Variants in CACNA1S observed in about 807,000 individuals in gnomAD.
CACNA1S encodes the protein voltage-dependent L-type calcium channel subunit alpha-1S.
In CACNA1S, 126 loss-of-function variants were observed where a neutral mutation model predicts 207.4. The ratio of observed to expected loss-of-function variants is 0.61; its 90% CI spans 0.53 to 0.70. The LOEUF is 0.70. Among genes scored for constraint, CACNA1S ranks in the 30% least tolerant of loss-of-function variants. The pLI, the probability that CACNA1S is intolerant of heterozygous loss-of-function variation, is 0.00. For synonymous variants in CACNA1S, 960 were observed against 932.7 expected, an observed-to-expected ratio of 1.03 and a Z score of -0.53; for missense variants, 2,349 against 2,422.8, an observed-to-expected ratio of 0.97 and a Z score of 0.64.
Position 201,050,904 on chromosome 1 carries a change from C to G in CACNA1S, c.4113+80G>C, listed in dbSNP as rs867439557. 13 of 1,462,932 alleles carry G rather than the reference C, an allele frequency of 8.9e-6. No individual in the cohort carries two copies. In the African/African-American group the frequency reaches 1.7e-4, roughly 19 times the overall value. 90.6% of individuals were successfully genotyped at this position (1,462,932 alleles called of 1,614,324 possible). On this transcript the variant is annotated intron_variant, in intron 33 of 43. Coordinates refer to ENST00000362061, the MANE Select transcript of CACNA1S (RefSeq NM_000069.3). ...GAATCCCAGGAGAGGTGGAAACTGG[C>G]CAGGAAGGGGCAGGCAGGCTCCCCC...
At chr1:201,058,300 C>G (rs1393405699) in intron 28 of CACNA1S, 108 bp downstream of exon 28, 2 of 934,706 alleles carry the variant, frequency 2.1e-6, no homozygotes, top group South Asian at 1.3e-5. Flanking sequence ...TCTTTTTAAC[C>G]CCTGGGGTTC....
In CACNA1S at chr1:201,053,435, C is replaced by A. The variant is rs757653722; in HGVS notation, c.3795+24G>T. On this transcript the variant is annotated intron_variant, in intron 30 of 43. Transcript: ENST00000362061. The surrounding 1 kb of genome is among the most constrained non-coding windows in gnomAD (Gnocchi z 5.1). ...CCCTAGTGGCCTCCCCAGGTACGTGCAGTTTCCAGGGTCCCTGTTGCACCT... is the reference window on the plus strand; with the variant it reads ...CCCTAGTGGCCTCCCCAGGTACGTGAAGTTTCCAGGGTCCCTGTTGCACCT... 6.2e-7 allele frequency: 1 copy of A among 1,614,114 alleles called. No individual in the cohort carries two copies. Among genetic ancestry groups the A allele is most frequent in the Non-Finnish European group, 8.5e-7 (1 of 1,179,996 alleles).
At chr1:201,080,284 C>T (rs1465487611) in intron 10 of CACNA1S, among the ~76,000 whole-genome samples, 1 of 152,120 alleles carries the variant, frequency 6.6e-6, no homozygotes, top group Non-Finnish European at 1.5e-5. Flanking sequence ...GCTCATCCTC[C>T]CCCACTACCC....
intron 21 of CACNA1S, 38 bp from the exon 22 acceptor site, chr1:201,065,983 C>T (rs1387108803): frequency 7.1e-7 from 1 of 1,403,748 alleles, no homozygotes; most frequent in Non-Finnish European, 1.0e-6. Flanking sequence ...GGGGGTGCAC[C>T]CACAGTAACC....
At chr1:201,069,278 GCAGT>G (rs1369603726) in intron 18 of CACNA1S, 82 bp from the exon 19 acceptor site, 4 of 1,468,214 alleles carry the variant, frequency 2.7e-6, no homozygotes, top group Non-Finnish European at 3.8e-6. Flanking sequence ...CATAAAGCAG[GCAGT>G]CAGAGCCATT....
intron 2 of CACNA1S, among the ~76,000 whole-genome samples, chr1:201,103,539 T>C (rs901045457): frequency 6.6e-6 from 1 of 152,202 alleles, no homozygotes; most frequent in Non-Finnish European, 1.5e-5. Context: ...CTAAGTGCCC[T>C]GAAAGGGGAC....
chr1:201,093,202 G>A (rs12125295), intron 3 of CACNA1S, among the ~76,000 whole-genome samples: 7,081 of 152,302 alleles, frequency 0.046, 242 homozygotes, highest in Non-Finnish European at 0.073. Flanking sequence ...TTTGGAGACA[G>A]GGTCTTTAAA....
intron 37 of CACNA1S, 67 bp downstream of exon 37, chr1:201,047,458 T>C: frequency 2.8e-6 from 4 of 1,413,466 alleles, no homozygotes; most frequent in Non-Finnish European, 4.0e-6. Flanking sequence ...ATGGGGCTCC[T>C]TGGAGAAGCT....
intron 32 of CACNA1S, 48 bp downstream of exon 32, chr1:201,052,509 G>T (rs765224353): frequency 5.5e-6 from 8 of 1,444,486 alleles, no homozygotes; most frequent in African/African-American, 1.4e-5. Context: ...CAGAGCAAAG[G>T]CTGGACTGGT....
At chr1:201,100,735 A>T (rs1218699454) in intron 2 of CACNA1S, among the ~76,000 whole-genome samples, 5 of 152,176 alleles carry the variant, frequency 3.3e-5, no homozygotes, top group African/African-American at 1.2e-4. Flanking sequence ...AAGGGAGACC[A>T]GTGCTGTCTT....
intron 12 of CACNA1S, among the ~76,000 whole-genome samples, chr1:201,076,692 A>G (rs1014538038): frequency 1.3e-5 from 2 of 152,250 alleles, no homozygotes; most frequent in African/African-American, 4.8e-5. Flanking sequence ...CACCAGAAAC[A>G]AAGACTAATC....
At chr1:201,079,557 C>A (rs1208702384) in intron 10 of CACNA1S, among the ~76,000 whole-genome samples, 1 of 111,576 alleles carries the variant, frequency 9.0e-6, no homozygotes, top group Non-Finnish European at 1.8e-5. Flanking sequence ...CCACCCCTAC[C>A]CCTCCACTTT....
At chr1:201,091,556 G>T in intron 5 of CACNA1S, 84 bp downstream of exon 5, 4 of 1,487,098 alleles carry the variant, frequency 2.7e-6, no homozygotes, top group Non-Finnish European at 3.8e-6. Context: ...GCTGAGCTCC[G>T]GGCTCCTTCA....
rs1448131053 is a variant in CACNA1S at position 201,054,485 on chromosome 1, C to T, written c.3666+20G>A. 2 of 1,612,750 alleles carry T rather than the reference C, an allele frequency of 1.2e-6. No homozygotes were observed. Among genetic ancestry groups the T allele is most frequent in the African/African-American group, 2.7e-5 (2 of 74,876 alleles). The stretch of plus-strand genomic sequence containing the variant: ...GGAGCTGGTGAGCGTGCCAGGCAGG[C>T]TCGTGCAGCCTGAAATTACAACGTT... On this transcript the variant is annotated intron_variant, in intron 29 of 43. Coordinates refer to ENST00000362061, the MANE Select transcript of CACNA1S (RefSeq NM_000069.3).
At chr1:201,048,306 C>T (rs796939496) in intron 36 of CACNA1S, among the ~76,000 whole-genome samples, 38 of 152,350 alleles carry the variant, frequency 2.5e-4, no homozygotes, top group African/African-American at 8.7e-4. Flanking sequence ...GCAGGGCACC[C>T]CTGACCCCTG....
intron 25 of CACNA1S, 95 bp from the exon 26 acceptor site, chr1:201,060,911 G>C: frequency 6.8e-7 from 1 of 1,467,580 alleles, no homozygotes; most frequent in East Asian, 2.3e-5. Flanking sequence ...GTCAGGAGCA[G>C]CTGTGGCCAG....
At chr1:201,103,792 C>T (rs956350365) in intron 2 of CACNA1S, among the ~76,000 whole-genome samples, 2 of 152,298 alleles carry the variant, frequency 1.3e-5, no homozygotes, top group East Asian at 1.9e-4. Flanking sequence ...AGTTGGCGAG[C>T]GCATTCCAGA....
intron 28 of CACNA1S, among the ~76,000 whole-genome samples, chr1:201,057,226 C>G (rs1453817733): frequency 6.6e-6 from 1 of 152,204 alleles, no homozygotes; most frequent in Non-Finnish European, 1.5e-5. Flanking sequence ...CTCTCTCCTC[C>G]AGCTACAAGG....
intron 29 of CACNA1S, among the ~76,000 whole-genome samples, chr1:201,054,264 C>T (rs546842709): frequency 1.3e-5 from 2 of 152,286 alleles, no homozygotes; most frequent in South Asian, 2.1e-4. Flanking sequence ...TAGAGGGTGC[C>T]AGAGAGAACC....
Sources: allele counts gnomAD v4.1 joint callset (sites outside exome capture counted in the v4.1 genomes callset), GRCh38; gene constraint gnomAD v4.1.1; non-coding constraint Gnocchi (gnomAD v3.1); transcripts MANE v1.5; gene names NCBI Gene and HGNC (gene_info 2026-07-23, HGNC 2026-07-21).